Variants in GPHN observed in about 807,000 individuals in gnomAD.
GPHN encodes the protein gephyrin.
In GPHN, 17 loss-of-function variants were observed where a neutral mutation model predicts 95.5. The observed-to-expected ratio is 0.18, with a 90% confidence interval of 0.12 to 0.27. The LOEUF is 0.27. Among genes scored for constraint, GPHN ranks in the 10% least tolerant of loss-of-function variants. The pLI is 1.00. For missense variants in GPHN, 660 were observed against 978.1 expected (o/e 0.67, Z 4.34); for synonymous variants, 320 against 322.5 (o/e 0.99, Z 0.08).
At chr14:66,530,228 T>C (rs1283119392) in intron 1 of GPHN, among the ~76,000 whole-genome samples, 3 of 152,158 alleles carry the variant, frequency 2.0e-5, no homozygotes, top group Non-Finnish European at 4.4e-5. Flanking sequence ...GGAACTTCCC[T>C]GGGCTTTGTT....
the GPHN span, among the ~76,000 whole-genome samples, chr14:67,243,890 G>T: frequency 6.6e-6 from 1 of 152,118 alleles, no homozygotes; most frequent in South Asian, 2.1e-4. Context: ...CATTTTCCAT[G>T]AAAAAGAAAG....
intron 9 of GPHN, among the ~76,000 whole-genome samples, chr14:66,988,905 G>A (rs954148110): frequency 6.6e-6 from 1 of 151,926 alleles, no homozygotes; most frequent in Non-Finnish European, 1.5e-5. Flanking sequence ...CTTCTCACAA[G>A]GTTATTACCA....
intron 1 of GPHN, among the ~76,000 whole-genome samples, chr14:66,634,634 G>A (rs941610029): frequency 3.3e-5 from 5 of 152,190 alleles, no homozygotes; most frequent in African/African-American, 1.2e-4. Context: ...GATTCTGGTA[G>A]TGGCACTGGT....
At chr14:66,544,367 T>G (rs1353431050) in intron 1 of GPHN, among the ~76,000 whole-genome samples, 1 of 152,240 alleles carries the variant, frequency 6.6e-6, no homozygotes, top group Non-Finnish European at 1.5e-5. Context: ...ATAGCATTTA[T>G]TGCTGTTTAA....
At chr14:67,449,422 T>C in the GPHN span, among the ~76,000 whole-genome samples, 1 of 152,104 alleles carries the variant, frequency 6.6e-6, no homozygotes, top group Non-Finnish European at 1.5e-5. Context: ...TGCTCTTTCA[T>C]GGCACTCTTG....
At chr14:66,995,816 A>G (rs796621863) in intron 9 of GPHN, among the ~76,000 whole-genome samples, 2 of 152,158 alleles carry the variant, frequency 1.3e-5, no homozygotes, top group African/African-American at 2.4e-5. Flanking sequence ...TCTATAAACA[A>G]CCTCCCATGT....
At chr14:67,026,351 A>G (rs1449856364) in intron 10 of GPHN, among the ~76,000 whole-genome samples, 1 of 152,232 alleles carries the variant, frequency 6.6e-6, no homozygotes, top group African/African-American at 2.4e-5. Flanking sequence ...TACTATTACT[A>G]CTAATACTAC....
At chr14:67,393,169 G>A in the GPHN span, 6 of 1,613,226 alleles carry the variant, frequency 3.7e-6, no homozygotes, top group Non-Finnish European at 5.1e-6. Context: ...TCTTTTTATA[G>A]GTGCTTCCCT....
the GPHN span, among the ~76,000 whole-genome samples, chr14:67,459,658 G>C: frequency 2.6e-5 from 4 of 152,192 alleles, no homozygotes; most frequent in Non-Finnish European, 2.9e-5. Context: ...AGCTTCTTGA[G>C]GGTCAGAGAC....
At chr14:67,595,798 G>A in the GPHN span, among the ~76,000 whole-genome samples, 2 of 152,198 alleles carry the variant, frequency 1.3e-5, no homozygotes, top group East Asian at 1.9e-4. Flanking sequence ...GGAGGACCAG[G>A]TGGAGGACAA....
chr14:67,630,916 G>C, the GPHN span, among the ~76,000 whole-genome samples: 1 of 152,128 alleles, frequency 6.6e-6, no homozygotes, highest in Admixed American at 6.5e-5. Context: ...TTTTCTAAGA[G>C]GTTAATGCTC....
At chr14:67,565,457 C>T in the GPHN span, among the ~76,000 whole-genome samples, 2 of 152,090 alleles carry the variant, frequency 1.3e-5, no homozygotes, top group Admixed American at 1.3e-4. Flanking sequence ...GTTGCCCAGG[C>T]TAGTCTCAAA....
chr14:67,658,401 T>C, the GPHN span, among the ~76,000 whole-genome samples: 1 of 152,002 alleles, frequency 6.6e-6, no homozygotes, highest in Non-Finnish European at 1.5e-5. Flanking sequence ...GAGATCATCC[T>C]GGCTAACACG....
the GPHN span, chr14:67,585,462 A>G: frequency 1.4e-6 from 1 of 721,512 alleles, no homozygotes; most frequent in Non-Finnish European, 2.4e-6. Context: ...GTGGCTGGAA[A>G]TCACTGCTTA....
chr14:66,972,715 C>T (rs1355231188), intron 9 of GPHN, among the ~76,000 whole-genome samples: 3 of 151,616 alleles, frequency 2.0e-5, no homozygotes, highest in Admixed American at 1.3e-4. Flanking sequence ...TTAATATTGT[C>T]ATATAATATT....
At chr14:66,743,666 C>T (rs930687969) in intron 2 of GPHN, among the ~76,000 whole-genome samples, 5 of 152,250 alleles carry the variant, frequency 3.3e-5, no homozygotes, top group African/African-American at 9.6e-5. Flanking sequence ...GGCGTGGAAA[C>T]GGGAGGCGGT....
At chr14:66,622,785 C>T (rs906967144) in intron 1 of GPHN, among the ~76,000 whole-genome samples, 3 of 152,166 alleles carry the variant, frequency 2.0e-5, no homozygotes, top group African/African-American at 7.2e-5. Context: ...GTGAGACCAC[C>T]TCAGCCTGTA....
the GPHN span, among the ~76,000 whole-genome samples, chr14:67,201,086 AGGTTCAAGACTGACCT>A: frequency 6.6e-6 from 1 of 152,186 alleles, no homozygotes; most frequent in African/African-American, 2.4e-5. Context: ...GCTTGAGGCC[AGGTTCAAGACTGACCT>A]GGGCAACAAG....
the GPHN span, chr14:67,294,403 G>A: frequency 6.6e-6 from 1 of 151,654 alleles, no homozygotes; most frequent in Non-Finnish European, 1.5e-5. Context: ...TTTTACAGCT[G>A]GAAAAAAATA....
Sources: gnomAD v4.1 joint callset for allele counts (sites outside exome capture counted in the v4.1 genomes callset) on GRCh38, gnomAD v4.1.1 for gene constraint, MANE v1.5 for transcripts, NCBI Gene and HGNC (gene_info 2026-07-23, HGNC 2026-07-21) for gene names.